CTC1: variants seen among roughly 807,000 people sequenced by gnomAD.
CTC1 encodes the protein CST telomere replication complex component 1, also known as CST complex subunit CTC1.
Under a neutral mutation model 136.3 loss-of-function variants are expected in CTC1, and 91 were observed. The ratio of observed to expected loss-of-function variants is 0.67; its 90% CI spans 0.56 to 0.79. The LOEUF (loss-of-function observed/expected upper bound fraction) is 0.79. Among genes scored for constraint, CTC1 ranks in the 30% least tolerant of loss-of-function variants. The probability of loss-of-function intolerance (pLI) is 0.00; values close to 1 mark genes in which losing one functional copy is unlikely to be tolerated. For synonymous variants in CTC1, 606 were observed against 613.8 expected (o/e 0.99, Z 0.19); for missense variants, 1,432 against 1,498.1 (o/e 0.96, Z 0.73).
intron 1 of CTC1, among the ~76,000 whole-genome samples, chr17:8,245,257 A>C (rs1369032910): frequency 6.6e-6 from 1 of 152,192 alleles, no homozygotes; most frequent in African/African-American, 2.4e-5. Flanking sequence ...GGTTACCTAC[A>C]TAATAAACCT....
rs778740534 is a variant in CTC1 at position 8,236,298 on chromosome 17, T to C, written c.837A>G (p.Thr279=). The C allele has an allele frequency of 6.2e-7, 1 of 1,612,582 alleles. No homozygotes were observed. Among genetic ancestry groups the C allele is most frequent in the Non-Finnish European group, 8.5e-7 (1 of 1,180,026 alleles). The change falls in exon 6 of 23, where the codon ACA becomes ACG. Residue 279 remains threonine, a synonymous_variant. Transcript: ENST00000651323. ...LVWHRALRPG[T]AYVLTELRVS... is the part of the protein sequence containing the mutation. ...CTCGCAGTTCTGTCAGCACATAGGC[T>C]GTACCAGGCCGAAGGGCTCTGTGCC... is the stretch of plus-strand genomic sequence containing the variant.
rs1351626756 is a variant in CTC1, at chr17:8,232,063, A to G, written c.2225T>C (p.Met742Thr). Reference protein sequence around the residue: ...LFLLCHKEALMKRNFCVPPGA... With the variant: ...LFLLCHKEALTKRNFCVPPGA... ...TGGGGGGACACAAAAATTACGCTTC[A>G]TGAGGGCCTCCTTGTGGCAGAGCAA... The change falls in exon 13 of 23, where the codon ATG becomes ACG. Residue 742 changes from methionine (M) to threonine (T), a missense_variant. Coordinates refer to ENST00000651323, the MANE Select transcript of CTC1 (RefSeq NM_025099.6). 6.4e-7 allele frequency: 1 copy of G among 1,566,060 alleles called. No individual in the cohort carries two copies.
chr17:8,228,327 G>A lies in CTC1; in HGVS notation c.3515-8C>T. 2.5e-6 allele frequency: 4 copies of A among 1,613,354 alleles called. No homozygotes were observed. The highest frequency in any genetic ancestry group is 3.4e-6 in the Non-Finnish European group (4 of 1,179,456). Reference sequence around the variant, plus strand: ...GCTGTAGCCGAGGAGGTTCTGAGGTGGGAAGAGAGGAAAAACACACGTCTC... The same window carrying A: ...GCTGTAGCCGAGGAGGTTCTGAGGTAGGAAGAGAGGAAAAACACACGTCTC... On this transcript the variant is annotated splice_polypyrimidine_tract_variant and splice_region_variant and intron_variant, in intron 22 of 22. Coordinates refer to ENST00000651323, the MANE Select transcript of CTC1 (RefSeq NM_025099.6).
At position 8,226,694 on chromosome 17, in the gene CTC1, G is replaced by A. The variant is rs574706247; in HGVS notation, c.*1486C>T. 31 of 152,306 alleles carry A rather than the reference G, an allele frequency of 2.0e-4. No individual in the cohort carries two copies. In the East Asian group the frequency reaches 4.2e-3, roughly 21 times the overall value. 9.4% of individuals were successfully genotyped at this position (152,306 alleles called of 1,614,324 possible). A position where few individuals can be genotyped will look rare whatever the true frequency, so the allele number is the denominator to read the frequency against. On this transcript the variant is annotated 3_prime_UTR_variant, in exon 23 of 23. Coordinates refer to ENST00000651323, the MANE Select transcript of CTC1 (RefSeq NM_025099.6). ...CTTAACCACTCGGCCACGACTACGA[G>A]GCTTAGGGCTTCGTTTTCATCCAAT...
rs376217684 is a variant in CTC1, at chr17:8,234,836, G to A, written c.1530C>T (p.Thr510=). ...PSLGLQLLAP[T]LDLLAPPGSP... The stretch of plus-strand genomic sequence containing the variant: ...TGCCTGGCGGAGCTAGAAGATCCAG[G>A]GTAGGAGCCAGGAGTTGCAGTCCCA... The change falls in exon 9 of 23, where the codon ACC becomes ACT. Residue 510 remains threonine (T), a synonymous_variant. Coordinates refer to ENST00000651323, the MANE Select transcript of CTC1 (RefSeq NM_025099.6). 84 of 1,613,532 alleles carry A rather than the reference G, an allele frequency of 5.2e-5. No homozygotes were observed. The African/African-American group carries it at 9.9e-4, about 19-fold the overall frequency.
At chr17:8,236,864 C>T (rs1567611831) in intron 5 of CTC1, among the ~76,000 whole-genome samples, 2 of 152,100 alleles carry the variant, frequency 1.3e-5, no homozygotes, top group Admixed American at 6.5e-5. Flanking sequence ...ACAATTTCTA[C>T]CTTGGGTACT....
rs1987055659 is a variant in CTC1 at position 8,229,830 on chromosome 17, G to A, written c.3011+61C>T. ...TGATGGCAAAATCTTCAGAACCAGGGACATGTGGGAGATGCAGATGTGAAG... is the reference window on the plus strand; with the variant it reads ...TGATGGCAAAATCTTCAGAACCAGGAACATGTGGGAGATGCAGATGTGAAG... On this transcript the variant is annotated intron_variant, in intron 18 of 22. Transcript: ENST00000651323. 4 of 1,365,866 alleles carry A rather than the reference G, an allele frequency of 2.9e-6. No homozygotes were observed. In the East Asian group the frequency reaches 9.1e-5, roughly 31 times the overall value. 84.6% of individuals were successfully genotyped at this position (1,365,866 alleles called of 1,614,324 possible). A position where few individuals can be genotyped will look rare whatever the true frequency, so the allele number is the denominator to read the frequency against.
At chr17:8,242,312 C>A (rs368928853) in intron 2 of CTC1, among the ~76,000 whole-genome samples, 1 of 152,050 alleles carries the variant, frequency 6.6e-6, no homozygotes. Flanking sequence ...GGATTACAGG[C>A]ATGAGCCACT....
intron 2 of CTC1, among the ~76,000 whole-genome samples, chr17:8,239,041 G>A (rs1376607930): frequency 1.4e-5 from 2 of 144,810 alleles, no homozygotes; most frequent in African/African-American, 5.2e-5. Flanking sequence ...GCAGTGAGCT[G>A]AGATCACGCC....
In CTC1 at chr17:8,226,957, G is replaced by C. The variant is rs62063111; in HGVS notation, c.*1223C>G. 20 of 152,390 alleles carry C rather than the reference G, an allele frequency of 1.3e-4. No homozygotes were observed. The highest frequency in any genetic ancestry group is 3.4e-4 in the African/African-American group (14 of 41,524). The allele number at this position is 152,390 out of a possible 1,614,324, so 9.4% of individuals were successfully genotyped here. On this transcript the variant is annotated 3_prime_UTR_variant, in exon 23 of 23. Transcript: ENST00000651323. ...ACTTCCGGATAACAGCAGAGGGTCA[G>C]AAAACAAAACACACACAAAAAAAAG... is the stretch of plus-strand genomic sequence containing the variant.
At chr17:8,228,673 C>T (rs936469878) in intron 21 of CTC1, 44 bp from the exon 22 acceptor site, 1 of 1,613,968 alleles carries the variant, frequency 6.2e-7, no homozygotes, top group East Asian at 2.2e-5. Context: ...AAACCCTTTG[C>T]CAAAAGCCCA....
chr17:8,234,741 C>A lies in CTC1; in HGVS notation c.1617+8G>T. On this transcript the variant is annotated splice_region_variant and intron_variant, in intron 9 of 22. Coordinates refer to ENST00000651323, the MANE Select transcript of CTC1 (RefSeq NM_025099.6). ...TTCTGCCACCATCCTTCCCCCACAT[C>A]CTCATACTTTCTGGAGGGGACAGTG... 1 of 1,585,726 alleles carries A rather than the reference C, an allele frequency of 6.3e-7. No homozygotes were observed.
At chr17:8,244,548 C>T (rs966713894) in intron 1 of CTC1, among the ~76,000 whole-genome samples, 4 of 150,608 alleles carry the variant, frequency 2.7e-5, no homozygotes, top group Non-Finnish European at 4.4e-5. Context: ...TTTTTGGAGA[C>T]GGAGTCTTGC....
chr17:8,236,313 G>A lies in CTC1; in HGVS notation c.822C>T (p.Ala274=), dbSNP rs1280084503. 1 of 1,610,146 alleles carries A rather than the reference G, an allele frequency of 6.2e-7. No individual in the cohort carries two copies. The highest frequency in any genetic ancestry group is 8.5e-7 in the Non-Finnish European group (1 of 1,179,982). The change falls in exon 6 of 23, where the codon GCC becomes GCT. Residue 274 remains alanine, a synonymous_variant. Coordinates refer to ENST00000651323, the MANE Select transcript of CTC1 (RefSeq NM_025099.6). ...QVPAQLVWHR[A]LRPGTAYVLT... is the part of the protein sequence containing the mutation. ...GCACATAGGCTGTACCAGGCCGAAG[G>A]GCTCTGTGCCACACCAGCTGGGCAG... is the stretch of plus-strand genomic sequence containing the variant.
intron 1 of CTC1, among the ~76,000 whole-genome samples, chr17:8,245,325 C>G (rs886247162): frequency 1.3e-5 from 2 of 152,174 alleles, no homozygotes; most frequent in Admixed American, 1.3e-4. Context: ...TCTTCAAGTT[C>G]TAGATGTCTT....
chr17:8,231,216 A>C, intron 15 of CTC1, 60 bp downstream of exon 15: 97 of 1,261,970 alleles, frequency 7.7e-5, no homozygotes, highest in Non-Finnish European at 9.4e-5. Flanking sequence ...CACCAAACCC[A>C]GCTAGCTTGG....
intron 2 of CTC1, among the ~76,000 whole-genome samples, chr17:8,242,553 A>AAAAAAAATATATAT (rs1555536345): frequency 1.7e-5 from 1 of 60,402 alleles, no homozygotes. Flanking sequence ...AAAAAAAAAA[A>AAAAAAAATATATAT]ATATATATAT....
In CTC1 at chr17:8,226,642, G is replaced by A. The variant is rs575769594; in HGVS notation, c.*1538C>T. On this transcript the variant is annotated 3_prime_UTR_variant, in exon 23 of 23. Transcript: ENST00000651323. ...GGCAGGATTCGAACCTGCGCGGGGA[G>A]ACCCCAATGGATTTCTAGTCCATCG... The A allele has an allele frequency of 8.5e-5, 13 of 152,336 alleles. No individual in the cohort carries two copies. Among genetic ancestry groups the A allele is most frequent in the East Asian group, 7.7e-4 (4 of 5,188 alleles). The allele number at this position is 152,336 out of a possible 1,614,324, so 9.4% of individuals were successfully genotyped here.
intron 1 of CTC1, among the ~76,000 whole-genome samples, chr17:8,244,107 A>G (rs1292174390): frequency 6.6e-6 from 1 of 152,248 alleles, no homozygotes; most frequent in African/African-American, 2.4e-5. Flanking sequence ...ACATAGTGCC[A>G]TACTATGTAT....
Sources: allele counts gnomAD v4.1 joint callset (sites outside exome capture counted in the v4.1 genomes callset), GRCh38; gene constraint gnomAD v4.1.1; transcripts MANE v1.5; gene names NCBI Gene and HGNC (gene_info 2026-07-23, HGNC 2026-07-21).